The following BICC1 variants were observed in gnomAD, a reference collection of about 807,000 sequenced individuals.
BICC1 encodes BicC family RNA binding protein 1.
BICC1 carries 43 observed loss-of-function variants against 111.0 expected under a neutral mutation model. That is an observed-to-expected ratio of 0.39 (90% CI 0.30 to 0.50). The LOEUF (loss-of-function observed/expected upper bound fraction) is 0.50, where lower values mean the gene tolerates loss of function less well. BICC1 is among the 20% of genes least tolerant of loss of function. BICC1 has a pLI of 0.88. For synonymous variants in BICC1, 467 were observed against 434.4 expected, an observed-to-expected ratio of 1.07 and a Z score of -0.93; for missense variants, 1,091 against 1,203.2, an observed-to-expected ratio of 0.91 and a Z score of 1.38.
chr10:58,663,979 T>G (rs574181245), intron 2 of BICC1, among the ~76,000 whole-genome samples: 1 of 152,316 alleles, frequency 6.6e-6, no homozygotes, highest in African/African-American at 2.4e-5. Context: ...TGATGGAATT[T>G]GAGTCATTTT....
intron 3 of BICC1, among the ~76,000 whole-genome samples, chr10:58,723,951 G>T (rs563612005): frequency 1.3e-5 from 2 of 152,288 alleles, no homozygotes; most frequent in African/African-American, 4.8e-5. Flanking sequence ...CAAGCAAAAA[G>T]AAACTTGTTA....
chr10:58,594,249 A>C (rs567503304), intron 1 of BICC1, among the ~76,000 whole-genome samples: 1 of 152,308 alleles, frequency 6.6e-6, no homozygotes, highest in South Asian at 2.1e-4. Flanking sequence ...TCTACATTTG[A>C]TTGGTGTACC....
chr10:58,828,898 C>T lies in BICC1; in HGVS notation c.*7C>T. 1 of 1,613,554 alleles carries T rather than the reference C, an allele frequency of 6.2e-7. No individual in the cohort carries two copies. Among genetic ancestry groups the T allele is most frequent in the Non-Finnish European group, 8.5e-7 (1 of 1,179,706 alleles). On this transcript the variant is annotated 3_prime_UTR_variant, in exon 21 of 21. Coordinates refer to ENST00000373886, the MANE Select transcript of BICC1 (RefSeq NM_001080512.3). ...TGTCAGTGGCCGCTGGTAGCAGCAC[C>T]CTCTTGGCACATGCCCGCTGACTAA...
intron 2 of BICC1, among the ~76,000 whole-genome samples, chr10:58,667,181 C>G (rs919748726): frequency 1.3e-5 from 2 of 152,022 alleles, no homozygotes; most frequent in Non-Finnish European, 2.9e-5. Context: ...TAAGTAGGCT[C>G]CAGAAGAAAC....
rs1214346132 is a variant in BICC1, at chr10:58,513,200, C to T, written c.57C>T (p.Asn19=). Residue 19 remains asparagine (N), a synonymous_variant, in exon 1 of 21, where the codon AAC becomes AAT. Coordinates refer to ENST00000373886, the MANE Select transcript of BICC1 (RefSeq NM_001080512.3). ...YLAAQSDPGS[N]SERSTDSPVP... ...CGGCGCAGTCGGACCCCGGCTCCAA[C>T]AGCGAGCGCAGCACCGACTCCCCAG... 1.9e-6 allele frequency: 3 copies of T among 1,600,648 alleles called. No homozygotes were observed. The highest frequency in any genetic ancestry group is 2.7e-5 in the African/African-American group (2 of 73,856).
intron 3 of BICC1, among the ~76,000 whole-genome samples, chr10:58,713,596 G>A (rs998553887): frequency 2.3e-4 from 35 of 152,154 alleles, no homozygotes; most frequent in Non-Finnish European, 4.1e-4. Context: ...TTCAAGACAC[G>A]GTAATCTGTC....
chr10:58,643,578 G>A (rs1466381864), intron 2 of BICC1, among the ~76,000 whole-genome samples: 1 of 152,214 alleles, frequency 6.6e-6, no homozygotes, highest in Non-Finnish European at 1.5e-5. Context: ...GTTCCAAAAA[G>A]GGGTTTGAAG....
intron 2 of BICC1, among the ~76,000 whole-genome samples, chr10:58,661,647 T>C (rs1838848746): frequency 6.6e-6 from 1 of 152,204 alleles, no homozygotes; most frequent in African/African-American, 2.4e-5. Context: ...CGGGTTGTGC[T>C]CATTTGTTGG....
chr10:58,554,127 G>A (rs924021725), intron 1 of BICC1, among the ~76,000 whole-genome samples: 12 of 152,030 alleles, frequency 7.9e-5, no homozygotes, highest in African/African-American at 2.9e-4. Flanking sequence ...TCTTTATTGG[G>A]TGATAGGTGG....
At chr10:58,537,135 C>T (rs1842846274) in intron 1 of BICC1, among the ~76,000 whole-genome samples, 1 of 151,686 alleles carries the variant, frequency 6.6e-6, no homozygotes. Flanking sequence ...TTCTACTAGA[C>T]ATTAAAAGCA....
chr10:58,753,536 C>G (rs1030754600), intron 3 of BICC1, among the ~76,000 whole-genome samples: 1 of 152,062 alleles, frequency 6.6e-6, no homozygotes, highest in African/African-American at 2.4e-5. Context: ...GAGAGGGATC[C>G]AATTTTTTTC....
chr10:58,710,433 A>G (rs1007901861), intron 3 of BICC1, among the ~76,000 whole-genome samples: 8 of 149,540 alleles, frequency 5.3e-5, no homozygotes, highest in African/African-American at 2.1e-4. Flanking sequence ...GTCCTTGCAG[A>G]TTACAGAGAT....
At chr10:58,826,828 T>C (rs111843628) in intron 20 of BICC1, among the ~76,000 whole-genome samples, 2 of 152,202 alleles carry the variant, frequency 1.3e-5, no homozygotes, top group African/African-American at 4.8e-5. Context: ...ACTGCTGTTT[T>C]GTGCGAATGC....
intron 1 of BICC1, among the ~76,000 whole-genome samples, chr10:58,564,784 G>A (rs917272348): frequency 6.6e-6 from 1 of 152,090 alleles, no homozygotes; most frequent in African/African-American, 2.4e-5. Context: ...CTATTTATTT[G>A]AGAAAAATCT....
chr10:58,561,152 T>G (rs1243175717), intron 1 of BICC1, among the ~76,000 whole-genome samples: 1 of 152,016 alleles, frequency 6.6e-6, no homozygotes. Flanking sequence ...CAACTATTAT[T>G]GTATTGGGGC....
At chr10:58,627,098 A>ATC (rs1837656141) in intron 2 of BICC1, among the ~76,000 whole-genome samples, 1 of 152,028 alleles carries the variant, frequency 6.6e-6, no homozygotes, top group Non-Finnish European at 1.5e-5. Flanking sequence ...GCAAAACTCC[A>ATC]TCTCAAAAAA....
rs543368713 is a variant in BICC1 at position 58,655,621 on chromosome 10, G to A, written c.237+34720G>A. Among the ~76,000 whole-genome samples, 367 of 73,092 alleles carry A rather than the reference G, an allele frequency of 5.0e-3. 2 individuals carry two copies. Among genetic ancestry groups the A allele is most frequent in the African/African-American group, 6.9e-3 (134 of 19,404 alleles). 48.0% of individuals were successfully genotyped at this position (73,092 alleles called of 152,430 possible). A position where few individuals can be genotyped will look rare whatever the true frequency, so the allele number is the denominator to read the frequency against. ...GGTTTTCTAGATATACAATCATGTC[G>A]TCTGCAAACAGGGACAATTTGACTT... On this transcript the variant is annotated intron_variant, in intron 2 of 20. Coordinates refer to ENST00000373886, the MANE Select transcript of BICC1 (RefSeq NM_001080512.3).
chr10:58,809,008 C>A (rs1397887245), intron 17 of BICC1, among the ~76,000 whole-genome samples: 2 of 151,266 alleles, frequency 1.3e-5, no homozygotes, highest in African/African-American at 4.9e-5. Flanking sequence ...AGCCGCCATG[C>A]CTGGCCTAGT....
At chr10:58,597,154 G>A (rs7084612) in intron 1 of BICC1, among the ~76,000 whole-genome samples, 114,873 of 152,094 alleles carry the variant, frequency 0.76, 44,045 homozygotes, top group East Asian at 0.98. Context: ...TACAAAGAGA[G>A]CAATTTTACA....
Sources: allele counts gnomAD v4.1 joint callset (sites outside exome capture counted in the v4.1 genomes callset), GRCh38; gene constraint gnomAD v4.1.1; transcripts MANE v1.5; gene names NCBI Gene and HGNC (gene_info 2026-07-23, HGNC 2026-07-21).